The following CACNA1E variants were observed in gnomAD, a reference collection of about 807,000 sequenced individuals.
CACNA1E encodes voltage-dependent R-type calcium channel subunit alpha-1E.
CACNA1E carries 40 observed loss-of-function variants against 259.2 expected under a neutral mutation model. The observed-to-expected ratio is 0.15, with a 90% CI of 0.12 to 0.20. The LOEUF is 0.20. Among genes scored for constraint, CACNA1E ranks in the 10% least tolerant of loss-of-function variants. CACNA1E has a pLI of 1.00. For synonymous variants in CACNA1E, 1,104 were observed against 1,138.5 expected, an observed-to-expected ratio of 0.97 and a Z score of 0.61; for missense variants, 1,874 against 3,040.1, an observed-to-expected ratio of 0.62 and a Z score of 9.02.
intron 6 of CACNA1E, among the ~76,000 whole-genome samples, chr1:181,623,418 T>C (rs1329474477): frequency 6.6e-6 from 1 of 152,256 alleles, no homozygotes; most frequent in African/African-American, 2.4e-5. Context: ...TGCTGAATGA[T>C]TAAATGATTA....
At chr1:181,388,325 G>A (rs1656003029) in intron 1 of CACNA1E, among the ~76,000 whole-genome samples, 2 of 152,204 alleles carry the variant, frequency 1.3e-5, no homozygotes, top group Admixed American at 6.5e-5. Flanking sequence ...TAGACAAAGA[G>A]GAAATACAGT....
intron 7 of CACNA1E, among the ~76,000 whole-genome samples, chr1:181,666,996 A>G (rs554902461): frequency 6.6e-6 from 1 of 152,246 alleles, no homozygotes; most frequent in Admixed American, 6.5e-5. Flanking sequence ...TTCAAGGGAG[A>G]AGACCTTTCT....
At chr1:181,365,953 T>C (rs1028549488) in intron 1 of CACNA1E, among the ~76,000 whole-genome samples, 12 of 152,296 alleles carry the variant, frequency 7.9e-5, no homozygotes, top group African/African-American at 2.9e-4. Flanking sequence ...AGATGGTTCT[T>C]GGGGACCTTC....
At position 181,758,421 on chromosome 1, in the gene CACNA1E, C is replaced by G. The variant is rs544646262; in HGVS notation, c.4494+310C>G. On this transcript the variant is annotated intron_variant, in intron 31 of 47. Coordinates refer to ENST00000367573, the MANE Select transcript of CACNA1E (RefSeq NM_001205293.3). This position sits in a 1 kb window ranked among gnomAD's most constrained non-coding sequence, Gnocchi z 4.2. ...TCCATCATCACGGGGTCTAAAGGAG[C>G]CTTGGAGTATTCAGAGAGGCTCATC... Among the ~76,000 whole-genome samples, 3 of 152,226 alleles carry G rather than the reference C, an allele frequency of 2.0e-5. No individual in the cohort carries two copies. The highest frequency in any genetic ancestry group is 2.4e-5 in the African/African-American group (1 of 41,528).
intron 6 of CACNA1E, 53 bp downstream of exon 6, chr1:181,580,829 G>A: frequency 6.4e-7 from 1 of 1,554,678 alleles, no homozygotes; most frequent in South Asian, 1.1e-5. Context: ...CCTGGATGGA[G>A]GCTTCTGTGG....
At chr1:181,729,664 G>A (rs918810041) in intron 18 of CACNA1E, among the ~76,000 whole-genome samples, 1 of 152,182 alleles carries the variant, frequency 6.6e-6, no homozygotes. Context: ...ATTCATATGA[G>A]TTGGAGACAT....
intron 7 of CACNA1E, among the ~76,000 whole-genome samples, chr1:181,660,482 T>C (rs6680280): frequency 0.13 from 19,344 of 152,218 alleles, 2,278 homozygotes; most frequent in African/African-American, 0.32. Flanking sequence ...AGGTCACTAA[T>C]GTTGGGTTCC....
intron 3 of CACNA1E, among the ~76,000 whole-genome samples, chr1:181,525,421 A>G (rs1667281561): frequency 6.6e-6 from 1 of 152,242 alleles, no homozygotes; most frequent in Non-Finnish European, 1.5e-5. Flanking sequence ...GATAAGCATG[A>G]GAAACAATTA....
chr1:181,511,625 G>T, intron 3 of CACNA1E, 115 bp downstream of exon 3: 1 of 1,222,772 alleles, frequency 8.2e-7, no homozygotes. Flanking sequence ...AGTAGGGGCA[G>T]AAGAAAAAGT....
At chr1:181,416,670 C>T (rs1270199957) in intron 2 of CACNA1E, among the ~76,000 whole-genome samples, 1 of 152,158 alleles carries the variant, frequency 6.6e-6, no homozygotes, top group Non-Finnish European at 1.5e-5. Flanking sequence ...CTTTCCCTTC[C>T]ACGCTGCCTT....
chr1:181,333,806 C>CTTTAGACCTTCAATCTAGTTGAGTCT, intron 1 of CACNA1E, among the ~76,000 whole-genome samples: 1 of 152,140 alleles, frequency 6.6e-6, no homozygotes. Context: ...CAGGCATGTA[C>CTTTAGACCTTCAATCTAGTTGAGTCT]CACCACGCCC....
Position 181,790,515 on chromosome 1 carries a change from G to A in CACNA1E, c.5857G>A (p.Asp1953Asn). ...PQDIFQLACM[D>N]PADDGQFQER... Reference sequence around the variant, plus strand: ...GGATATATTCCAGTTGGCTTGTATGGACCCCGCCGATGACGGACAGTTCCA... The same window carrying A: ...GGATATATTCCAGTTGGCTTGTATGAACCCCGCCGATGACGGACAGTTCCA... Residue 1953 changes from aspartate (D) to asparagine (N), a missense_variant, in exon 44 of 48, where the codon GAC (aspartate) becomes AAC (asparagine). By Grantham distance (23) the Asp-to-Asn change is conservative. Transcript: ENST00000367573. 2 of 1,613,462 alleles carry A rather than the reference G, an allele frequency of 1.2e-6. No individual in the cohort carries two copies. Among genetic ancestry groups the A allele is most frequent in the Non-Finnish European group, 1.7e-6 (2 of 1,179,406 alleles).
At chr1:181,785,615 A>T in intron 42 of CACNA1E, 98 bp from the exon 43 acceptor site, 1 of 930,940 alleles carries the variant, frequency 1.1e-6, no homozygotes, top group Non-Finnish European at 1.8e-6. Flanking sequence ...ACAAGGGATA[A>T]GTTATGTGCC....
intron 1 of CACNA1E, among the ~76,000 whole-genome samples, chr1:181,373,828 G>T (rs1654893487): frequency 6.6e-6 from 1 of 152,106 alleles, no homozygotes; most frequent in Admixed American, 6.6e-5. Context: ...CCTGGCCCAA[G>T]GTAGATTTTA....
intron 2 of CACNA1E, among the ~76,000 whole-genome samples, chr1:181,426,487 C>T (rs1288885794): frequency 6.7e-6 from 1 of 150,224 alleles, no homozygotes; most frequent in Non-Finnish European, 1.5e-5. Flanking sequence ...CCATCTCATT[C>T]CCTTCAAAAC....
intron 7 of CACNA1E, among the ~76,000 whole-genome samples, chr1:181,702,273 C>A (rs1306147234): frequency 2.6e-5 from 4 of 152,160 alleles, no homozygotes; most frequent in Non-Finnish European, 5.9e-5. Flanking sequence ...TCCTCGTCCA[C>A]CAGCCAGCAA....
rs575354064 is a variant in CACNA1E at position 181,785,719 on chromosome 1, GCCC to G, written c.5689_5691del (p.Pro1897del). The G allele has an allele frequency of 1.9e-6, 3 of 1,610,768 alleles. No individual in the cohort carries two copies. The highest frequency in any genetic ancestry group is 3.3e-5 in the Admixed American group (2 of 59,756). On this transcript the variant is annotated inframe_deletion, in exon 43 of 48. Coordinates refer to ENST00000367573, the MANE Select transcript of CACNA1E (RefSeq NM_001205293.3). ...CTTCCCTCTTTTTACCCAGAAAAAT[GCCC>G]CCATGTTCCAGCGCATGGAGCCTTC... is the stretch of plus-strand genomic sequence containing the variant.
At chr1:181,511,710 T>A (rs1486911951) in intron 3 of CACNA1E, among the ~76,000 whole-genome samples, 200 bp downstream of exon 3, 2 of 152,190 alleles carry the variant, frequency 1.3e-5, no homozygotes, top group East Asian at 3.8e-4. Context: ...TGTGTGGAGA[T>A]GCGTGTGGTG....
intron 2 of CACNA1E, among the ~76,000 whole-genome samples, chr1:181,448,217 G>A (rs765889989): frequency 3.3e-5 from 5 of 152,146 alleles, no homozygotes; most frequent in Non-Finnish European, 5.9e-5. Flanking sequence ...AAATTCTAGA[G>A]GTTACAATGG....
Sources: gnomAD v4.1 joint callset for allele counts (sites outside exome capture counted in the v4.1 genomes callset) on GRCh38, gnomAD v4.1.1 for gene constraint, Gnocchi (gnomAD v3.1) non-coding constraint, MANE v1.5 for transcripts, NCBI Gene and HGNC (gene_info 2026-07-23, HGNC 2026-07-21) for gene names.